ZMYND11: variants seen among roughly 807,000 people sequenced by gnomAD.
ZMYND11 encodes zinc finger MYND domain-containing protein 11.
A neutral mutation model predicts 84.9 loss-of-function variants in ZMYND11; 9 were observed. The observed-to-expected ratio is 0.11, with a 90% CI of 0.06 to 0.18. ZMYND11 has a LOEUF of 0.18. ZMYND11 is among the 10% of genes least tolerant of loss of function. ZMYND11 has a pLI of 1.00. For missense variants in ZMYND11, 409 were observed against 761.0 expected, an observed-to-expected ratio of 0.54 and a Z score of 5.44; for synonymous variants, 250 against 244.1, an observed-to-expected ratio of 1.02 and a Z score of -0.23.
intron 2 of ZMYND11, among the ~76,000 whole-genome samples, chr10:200,268 TATATATA>T (rs960457452): frequency 1.0e-4 from 14 of 139,084 alleles, no homozygotes; most frequent in Admixed American, 7.8e-4. Flanking sequence ...AATATATAAT[TATATATA>T]ATATATAATA....
At chr10:163,352 T>A (rs1264987983) in intron 1 of ZMYND11, among the ~76,000 whole-genome samples, 1 of 152,156 alleles carries the variant, frequency 6.6e-6, no homozygotes, top group African/African-American at 2.4e-5. Context: ...AAATGGCTAT[T>A]TTTCAGGGCT....
At chr10:185,523 G>A in intron 2 of ZMYND11, among the ~76,000 whole-genome samples, 1 of 148,402 alleles carries the variant, frequency 6.7e-6, no homozygotes, top group Non-Finnish European at 1.5e-5. Context: ...TGGTGGGGGT[G>A]GGGGCGCGGG....
chr10:242,571 G>A (rs981136306), intron 10 of ZMYND11, among the ~76,000 whole-genome samples: 9 of 152,220 alleles, frequency 5.9e-5, no homozygotes, highest in South Asian at 2.1e-4. Flanking sequence ...TGAAGCGTGC[G>A]TGGAAATAAG....
chr10:187,415 A>G (rs1203444071), intron 2 of ZMYND11, among the ~76,000 whole-genome samples: 1 of 151,898 alleles, frequency 6.6e-6, no homozygotes, highest in Non-Finnish European at 1.5e-5. Flanking sequence ...CGGGCGGATC[A>G]CAAGGTCAGG....
At chr10:199,630 T>TA (rs1942657064) in intron 2 of ZMYND11, among the ~76,000 whole-genome samples, 1 of 151,884 alleles carries the variant, frequency 6.6e-6, no homozygotes, top group Non-Finnish European at 1.5e-5. Flanking sequence ...GACGAGGTCT[T>TA]ACTATGCTGC....
intron 1 of ZMYND11, among the ~76,000 whole-genome samples, chr10:158,865 G>A (rs969977953): frequency 4.5e-4 from 68 of 151,634 alleles, no homozygotes; most frequent in Middle Eastern, 3.4e-3. Context: ...CTTTTTTGGA[G>A]AAACATCTGT....
At chr10:155,213 C>T (rs1228270952) in intron 1 of ZMYND11, among the ~76,000 whole-genome samples, 2 of 151,764 alleles carry the variant, frequency 1.3e-5, no homozygotes, top group South Asian at 2.1e-4. Flanking sequence ...GAAAAGTGTA[C>T]GTAAAAATCT....
At chr10:243,946 A>G (rs1284212781) in intron 10 of ZMYND11, among the ~76,000 whole-genome samples, 1 of 152,238 alleles carries the variant, frequency 6.6e-6, no homozygotes, top group African/African-American at 2.4e-5. Flanking sequence ...AGGAAACATC[A>G]GATTACATTT....
chr10:172,944 T>G (rs1845698239), intron 1 of ZMYND11, among the ~76,000 whole-genome samples: 1 of 151,682 alleles, frequency 6.6e-6, no homozygotes, highest in Non-Finnish European at 1.5e-5. Flanking sequence ...ATACAGTCAG[T>G]TCAACTTTTA....
chr10:149,288 A>ATTATTG (rs1564268521), intron 1 of ZMYND11, among the ~76,000 whole-genome samples: 1 of 61,086 alleles, frequency 1.6e-5, no homozygotes, highest in Non-Finnish European at 4.5e-5. Flanking sequence ...GGTGGTTGTT[A>ATTATTG]TTATTATTAT....
intron 1 of ZMYND11, among the ~76,000 whole-genome samples, chr10:158,390 T>C (rs1197943240): frequency 1.3e-5 from 2 of 151,918 alleles, no homozygotes; most frequent in Non-Finnish European, 2.9e-5. Flanking sequence ...TCTATTATTC[T>C]ATTATTCCTT....
rs1057518819 is a variant in ZMYND11 at position 248,402 on chromosome 10, G to C, written c.1294G>C (p.Glu432Gln). Reference protein sequence around the residue: ...QEIPTMPQPIEKVSVSTQTKK... With the variant: ...QEIPTMPQPIQKVSVSTQTKK... ...AATACCCACGATGCCTCAGCCCATCGAAAAAGTCTCCGTGTCAACTCAGAC... is the reference window on the plus strand; with the variant it reads ...AATACCCACGATGCCTCAGCCCATCCAAAAAGTCTCCGTGTCAACTCAGAC... The change falls in exon 13 of 15, where the codon GAA (glutamate) becomes CAA (glutamine). Residue 432 changes from glutamate (E) to glutamine (Q), a missense_variant. Glu to Gln is a conservative substitution (Grantham distance 29, BLOSUM62 2). Transcript: ENST00000381604. 6.2e-7 allele frequency: 1 copy of C among 1,614,066 alleles called. No individual in the cohort carries two copies. Among genetic ancestry groups the C allele is most frequent in the East Asian group, 2.2e-5 (1 of 44,888 alleles).
chr10:177,082 A>T (rs1425666192), intron 1 of ZMYND11, among the ~76,000 whole-genome samples: 1 of 152,208 alleles, frequency 6.6e-6, no homozygotes, highest in African/African-American at 2.4e-5. Context: ...GGATGAGAGA[A>T]GGATTTTTGT....
intron 2 of ZMYND11, among the ~76,000 whole-genome samples, chr10:195,042 A>G (rs142992765): frequency 2.6e-4 from 40 of 152,348 alleles, no homozygotes; most frequent in Non-Finnish European, 4.6e-4. Flanking sequence ...AGTGTTGCCA[A>G]TAGATTTTTT....
intron 14 of ZMYND11, among the ~76,000 whole-genome samples, chr10:251,557 T>C (rs1953503271): frequency 6.6e-6 from 1 of 152,202 alleles, no homozygotes; most frequent in Non-Finnish European, 1.5e-5. Context: ...ACTGACCTGT[T>C]GTCAAGTGTT....
At chr10:232,943 A>G (rs1239252798) in intron 4 of ZMYND11, among the ~76,000 whole-genome samples, 2 of 152,212 alleles carry the variant, frequency 1.3e-5, no homozygotes, top group Non-Finnish European at 2.9e-5. Context: ...ACTCAGGTTA[A>G]CCTCAAGATC....
chr10:223,475 AT>A (rs998544257), intron 4 of ZMYND11, among the ~76,000 whole-genome samples: 1 of 152,120 alleles, frequency 6.6e-6, no homozygotes, highest in Non-Finnish European at 1.5e-5. Flanking sequence ...CAATCTAGAC[AT>A]TTTTATACTG....
intron 4 of ZMYND11, among the ~76,000 whole-genome samples, chr10:221,791 T>G (rs1947180125): frequency 6.6e-6 from 1 of 152,208 alleles, no homozygotes; most frequent in African/African-American, 2.4e-5. Context: ...ATGTTGCCTT[T>G]ATTTTTGTCA....
At chr10:232,247 C>T (rs957334621) in intron 4 of ZMYND11, among the ~76,000 whole-genome samples, 4 of 152,204 alleles carry the variant, frequency 2.6e-5, no homozygotes, top group South Asian at 2.1e-4. Flanking sequence ...AGCACTTCAG[C>T]GTGAACGCCA....
Sources: allele counts gnomAD v4.1 joint callset (sites outside exome capture counted in the v4.1 genomes callset), GRCh38; gene constraint gnomAD v4.1.1; transcripts MANE v1.5; gene names NCBI Gene and HGNC (gene_info 2026-07-23, HGNC 2026-07-21).